Variants in TRPS1 observed in about 807,000 individuals in gnomAD.
TRPS1 encodes the protein zinc finger transcription factor Trps1.
In TRPS1, 6 loss-of-function variants were observed where a neutral mutation model predicts 101.2. The ratio of observed to expected loss-of-function variants is 0.06; its 90% CI spans 0.03 to 0.12. TRPS1 has a LOEUF of 0.12. Among genes scored for constraint, TRPS1 ranks in the 10% least tolerant of loss-of-function variants. The pLI is 1.00. For synonymous variants in TRPS1, 578 were observed against 589.8 expected (o/e 0.98, Z 0.29); for missense variants, 1,363 against 1,567.0 (o/e 0.87, Z 2.20).
intron 6 of TRPS1, among the ~76,000 whole-genome samples, chr8:115,416,306 C>T (rs540804602): frequency 5.3e-4 from 80 of 151,722 alleles, no homozygotes; most frequent in African/African-American, 1.8e-3. Context: ...AGTTGGAGCT[C>T]TTTGATGTAT....
At chr8:115,510,046 A>G (rs1815543768) in intron 5 of TRPS1, among the ~76,000 whole-genome samples, 2 of 152,002 alleles carry the variant, frequency 1.3e-5, no homozygotes, top group South Asian at 2.1e-4. Context: ...TTAGCTTTGT[A>G]TTCAAGATTT....
chr8:115,500,768 G>T (rs1015803744), intron 5 of TRPS1, among the ~76,000 whole-genome samples: 2 of 151,614 alleles, frequency 1.3e-5, no homozygotes, highest in African/African-American at 4.8e-5. Flanking sequence ...TAGAGACAGG[G>T]TTTCACCGTG....
chr8:115,624,623 A>G (rs1252308899), intron 1 of TRPS1, among the ~76,000 whole-genome samples: 1 of 151,958 alleles, frequency 6.6e-6, no homozygotes, highest in Non-Finnish European at 1.5e-5. Context: ...AATTAACCGT[A>G]TTTCCTTCTA....
At chr8:115,510,263 T>C (rs1009797983) in intron 5 of TRPS1, among the ~76,000 whole-genome samples, 1 of 151,976 alleles carries the variant, frequency 6.6e-6, no homozygotes, top group African/African-American at 2.4e-5. Flanking sequence ...TGGATCTGTA[T>C]AGCCATATAA....
chr8:115,434,642 C>T (rs1224627564), intron 5 of TRPS1, among the ~76,000 whole-genome samples: 2 of 152,054 alleles, frequency 1.3e-5, no homozygotes, highest in Non-Finnish European at 1.5e-5. Flanking sequence ...TGGTGTGATT[C>T]GCCCTTGGAA....
At chr8:115,515,111 A>T (rs1586353182) in intron 5 of TRPS1, 1 of 611,246 alleles carries the variant, frequency 1.6e-6, no homozygotes, top group East Asian at 2.8e-5. Flanking sequence ...TCAGGGTCAC[A>T]GATTAAGTTG....
chr8:115,423,158 C>A (rs570907768), intron 5 of TRPS1, among the ~76,000 whole-genome samples: 1 of 152,178 alleles, frequency 6.6e-6, no homozygotes, highest in Non-Finnish European at 1.5e-5. Context: ...TGAGGCAGCT[C>A]AACTAAAAAT....
At chr8:115,596,364 G>A (rs536758381) in intron 4 of TRPS1, among the ~76,000 whole-genome samples, 113 of 151,872 alleles carry the variant, frequency 7.4e-4, no homozygotes, top group Non-Finnish European at 1.2e-3. Flanking sequence ...TACTTGACAT[G>A]GGCAATGATG....
chr8:115,574,741 C>CAT (rs3071227), intron 5 of TRPS1, among the ~76,000 whole-genome samples: 32 of 150,290 alleles, frequency 2.1e-4, no homozygotes, highest in South Asian at 4.2e-4. Flanking sequence ...AGTTAAATCC[C>CAT]ATATATATAT....
intron 5 of TRPS1, among the ~76,000 whole-genome samples, chr8:115,430,468 C>T (rs1219323866): frequency 2.1e-5 from 3 of 144,130 alleles, no homozygotes; most frequent in African/African-American, 7.7e-5. Flanking sequence ...TGTGTGTGTA[C>T]ACATACAAGC....
chr8:115,497,261 A>G (rs1001627948), intron 5 of TRPS1, among the ~76,000 whole-genome samples: 2 of 152,188 alleles, frequency 1.3e-5, no homozygotes, highest in African/African-American at 4.8e-5. Flanking sequence ...CATTAGTTAG[A>G]TTCTAATAAG....
At chr8:115,453,444 C>T (rs1474933483) in intron 5 of TRPS1, among the ~76,000 whole-genome samples, 4 of 152,180 alleles carry the variant, frequency 2.6e-5, no homozygotes, top group Non-Finnish European at 5.9e-5. Context: ...AATGTGCTAA[C>T]AGAAGTGTAT....
chr8:115,410,022 C>T lies in TRPS1; in HGVS notation c.*4001G>A, dbSNP rs1014777091. On this transcript the variant is annotated 3_prime_UTR_variant, in exon 7 of 7. Transcript: ENST00000395715. ...TGGCATACAGCACAGAAGCAGACCA[C>T]CAGCTTCTTTACTCCACATTTCCAC... 2 of 151,848 alleles carry T rather than the reference C, an allele frequency of 1.3e-5. No homozygotes were observed. Among genetic ancestry groups the T allele is most frequent in the Non-Finnish European group, 2.9e-5 (2 of 67,914 alleles). 9.4% of individuals were successfully genotyped at this position (151,848 alleles called of 1,614,324 possible).
At chr8:115,490,054 T>TATAAC (rs1814982898) in intron 5 of TRPS1, among the ~76,000 whole-genome samples, 1 of 152,176 alleles carries the variant, frequency 6.6e-6, no homozygotes, top group African/African-American at 2.4e-5. Context: ...CTGATGGTTA[T>TATAAC]CTCTACATTT....
chr8:115,653,722 A>G (rs1245267421), intron 1 of TRPS1, among the ~76,000 whole-genome samples: 1 of 152,238 alleles, frequency 6.6e-6, no homozygotes, highest in African/African-American at 2.4e-5. Context: ...GCTAAAAGAC[A>G]GAGCGGAAAA....
intron 5 of TRPS1, among the ~76,000 whole-genome samples, chr8:115,519,943 A>C (rs542443723): frequency 6.6e-6 from 1 of 151,894 alleles, no homozygotes; most frequent in South Asian, 2.1e-4. Flanking sequence ...TTGTAACTAT[A>C]TTTTGGCAGT....
At chr8:115,559,087 T>C (rs974909170) in intron 5 of TRPS1, among the ~76,000 whole-genome samples, 1 of 152,160 alleles carries the variant, frequency 6.6e-6, no homozygotes, top group Admixed American at 6.6e-5. Context: ...TTTTATTCTT[T>C]AATGTTACTG....
intron 3 of TRPS1, among the ~76,000 whole-genome samples, chr8:115,609,910 T>C (rs563418188): frequency 6.6e-6 from 1 of 152,142 alleles, no homozygotes; most frequent in Non-Finnish European, 1.5e-5. Flanking sequence ...TATAAAAGGG[T>C]TGGTTTCTTT....
At chr8:115,496,526 GT>G (rs1815153064) in intron 5 of TRPS1, among the ~76,000 whole-genome samples, 1 of 152,076 alleles carries the variant, frequency 6.6e-6, no homozygotes, top group African/African-American at 2.4e-5. Flanking sequence ...CCTATAACGA[GT>G]TTGTCTATTT....
Sources: allele counts gnomAD v4.1 joint callset (sites outside exome capture counted in the v4.1 genomes callset), GRCh38; gene constraint gnomAD v4.1.1; transcripts MANE v1.5; gene names NCBI Gene and HGNC (gene_info 2026-07-23, HGNC 2026-07-21).